HAVCR1: variants seen among roughly 807,000 people sequenced by gnomAD.
HAVCR1 encodes the protein hepatitis A virus cellular receptor 1.
A neutral mutation model predicts 32.0 loss-of-function variants in HAVCR1; 34 were observed. The observed-to-expected ratio is 1.06, with a 90% CI of 0.81 to 1.42. The LOEUF (loss-of-function observed/expected upper bound fraction) is 1.42. Ranked by LOEUF, HAVCR1 falls within the 40% of genes most tolerant of loss-of-function variation. The probability of loss-of-function intolerance (pLI) is 0.00; values close to 1 mark genes in which losing one functional copy is unlikely to be tolerated. For synonymous variants in HAVCR1, 178 were observed against 170.3 expected, an observed-to-expected ratio of 1.05 and a Z score of -0.35; for missense variants, 420 against 442.3, an observed-to-expected ratio of 0.95 and a Z score of 0.45.
chr5:157,041,049 C>A (rs1251075338), intron 6 of HAVCR1, among the ~76,000 whole-genome samples: 1 of 152,094 alleles, frequency 6.6e-6, no homozygotes, highest in Non-Finnish European at 1.5e-5. Flanking sequence ...AAGAAAAGAT[C>A]TTATTAGTAA....
chr5:157,057,406 A>G (rs1425985306), intron 2 of HAVCR1, among the ~76,000 whole-genome samples: 3 of 102,284 alleles, frequency 2.9e-5, no homozygotes, highest in African/African-American at 1.0e-4. Flanking sequence ...AAAGAAAGAA[A>G]GAAAGAAAGA....
At chr5:157,033,833 C>A (rs1030540156) in intron 7 of HAVCR1, among the ~76,000 whole-genome samples, 2 of 152,176 alleles carry the variant, frequency 1.3e-5, no homozygotes, top group African/African-American at 2.4e-5. Context: ...GAGGCAGAGG[C>A]AGGCGGTCAG....
At position 157,037,476 on chromosome 5, in the gene HAVCR1, T is replaced by C. The variant is rs900086433; in HGVS notation, c.838-115A>G. ...ACCTGTATTGGTGCTTGGGGACTTC[T>C]GGAACATAAGGGTAAGACCAAATGA... On this transcript the variant is annotated intron_variant, in intron 6 of 8. Transcript: ENST00000523175. 11 of 625,692 alleles carry C rather than the reference T, an allele frequency of 1.8e-5. No individual in the cohort carries two copies. In the African/African-American group the frequency reaches 2.0e-4, roughly 12 times the overall value. 38.8% of individuals were successfully genotyped at this position (625,692 alleles called of 1,614,324 possible).
chr5:157,044,586 G>GGAAAGAAAGAAAGAAAGAAAGA (rs1755190436), intron 5 of HAVCR1, among the ~76,000 whole-genome samples: 2 of 56,344 alleles, frequency 3.5e-5, no homozygotes, highest in Admixed American at 2.3e-4. Context: ...AAAGAAAGAA[G>GGAAAGAAAGAAAGAAAGAAAGA]GAAAGAAAGA....
At chr5:157,051,501 G>T (rs543142981) in intron 4 of HAVCR1, among the ~76,000 whole-genome samples, 1 of 152,198 alleles carries the variant, frequency 6.6e-6, no homozygotes, top group South Asian at 2.1e-4. Context: ...AGATCAAAAC[G>T]TGACTCGACC....
At chr5:157,049,928 C>T (rs182971886) in intron 4 of HAVCR1, among the ~76,000 whole-genome samples, 80 of 152,330 alleles carry the variant, frequency 5.3e-4, no homozygotes, top group African/African-American at 1.8e-3. Flanking sequence ...TTCCTGAAAT[C>T]CCTCCTTTAT....
intron 2 of HAVCR1, 39 bp from the exon 3 acceptor site, chr5:157,055,572 C>G: frequency 1.6e-6 from 2 of 1,279,180 alleles, no homozygotes; most frequent in Non-Finnish European, 2.2e-6. Flanking sequence ...TGAGCCCTCA[C>G]TATTTCATCT....
intron 3 of HAVCR1, among the ~76,000 whole-genome samples, chr5:157,054,641 G>A (rs560110155): frequency 3.0e-4 from 46 of 152,238 alleles, no homozygotes; most frequent in Admixed American, 5.9e-4. Flanking sequence ...AAGTATATTT[G>A]GACCTCCATA....
rs773883034 is a variant in HAVCR1 at position 157,037,381 on chromosome 5, T to A, written c.838-20A>T. On this transcript the variant is annotated intron_variant, in intron 6 of 8. Coordinates refer to ENST00000523175, the MANE Select transcript of HAVCR1 (RefSeq NM_001173393.3). ...CAGTTGCTGAGGAAACAACAACAGA[T>A]CAAAAAAGCATCTTGTTAGAAAGTT... is the stretch of plus-strand genomic sequence containing the variant. The A allele has an allele frequency of 9.7e-7, 1 of 1,035,334 alleles. No homozygotes were observed. The highest frequency in any genetic ancestry group is 1.9e-5 in the Admixed American group (1 of 51,864). 64.1% of individuals were successfully genotyped at this position (1,035,334 alleles called of 1,614,324 possible).
rs1165736724 is a variant in HAVCR1 at position 157,029,661 on chromosome 5, C to T, written c.*72G>A. Reference sequence around the variant, plus strand: ...AAAAATTGTCTTGGGGTCTAAAAGACGTCTGATGTGCTGATGTCTGTTCAG... The same window carrying T: ...AAAAATTGTCTTGGGGTCTAAAAGATGTCTGATGTGCTGATGTCTGTTCAG... On this transcript the variant is annotated 3_prime_UTR_variant, in exon 9 of 9. Transcript: ENST00000523175. 18 of 1,602,310 alleles carry T rather than the reference C, an allele frequency of 1.1e-5. No individual in the cohort carries two copies. The highest frequency in any genetic ancestry group is 4.5e-5 in the East Asian group (2 of 44,690).
At chr5:157,051,070 T>C (rs1755708058) in intron 4 of HAVCR1, among the ~76,000 whole-genome samples, 1 of 152,220 alleles carries the variant, frequency 6.6e-6, no homozygotes, top group Non-Finnish European at 1.5e-5. Context: ...ATGGAAGATT[T>C]GAACCTATAC....
upstream of HAVCR1, among the ~76,000 whole-genome samples, chr5:157,060,682 C>G (rs994505523): frequency 4.6e-5 from 7 of 152,090 alleles, no homozygotes; most frequent in Non-Finnish European, 8.8e-5. Context: ...TGATGAGCCA[C>G]AGAGAGCCAA....
intron 7 of HAVCR1, among the ~76,000 whole-genome samples, chr5:157,035,325 CTCTTAATTT>C (rs1754462697): frequency 6.6e-6 from 1 of 152,152 alleles, no homozygotes; most frequent in Non-Finnish European, 1.5e-5. Flanking sequence ...GCCAAACATA[CTCTTAATTT>C]TCTGATTCTC....
intron 5 of HAVCR1, among the ~76,000 whole-genome samples, chr5:157,044,800 A>G (rs71591085): frequency 0.081 from 12,302 of 151,224 alleles, 1,342 homozygotes; most frequent in African/African-American, 0.25. Flanking sequence ...TAACAGTTTC[A>G]GGAAGAGGAT....
upstream of HAVCR1, among the ~76,000 whole-genome samples, chr5:157,060,686 G>A (rs1026014703): frequency 2.0e-5 from 3 of 152,144 alleles, no homozygotes; most frequent in African/African-American, 7.2e-5. Context: ...GAGCCACAGA[G>A]AGCCAAGACA....
chr5:157,035,654 A>G (rs1163156765), intron 7 of HAVCR1, among the ~76,000 whole-genome samples: 1 of 152,186 alleles, frequency 6.6e-6, no homozygotes. Flanking sequence ...AGGGTGGAGA[A>G]AATAAATCTT....
In HAVCR1 at chr5:157,052,506, CGTT is replaced by C. The variant is rs749581105; in HGVS notation, c.525_527del (p.Thr177del). On this transcript the variant is annotated inframe_deletion, in exon 4 of 9. Coordinates refer to ENST00000523175, the MANE Select transcript of HAVCR1 (RefSeq NM_001173393.3). ...AAACAGTCATTGTCGTCAGAACAGT[CGTT>C]GTCGTTGGAATGCTCATTGTTGTTG... 24 of 1,601,100 alleles carry C rather than the reference CGTT, an allele frequency of 1.5e-5. No individual in the cohort carries two copies. Among genetic ancestry groups the C allele is most frequent in the African/African-American group, 1.1e-4 (8 of 74,400 alleles).
chr5:157,068,816 G>T, the HAVCR1 span, among the ~76,000 whole-genome samples: 719 of 151,976 alleles, frequency 4.7e-3, 6 homozygotes, highest in African/African-American at 0.016. Context: ...TCACTATGTC[G>T]CCTAGGCTGG....
intron 8 of HAVCR1, among the ~76,000 whole-genome samples, chr5:157,030,839 C>T (rs894452522): frequency 2.0e-5 from 3 of 152,162 alleles, no homozygotes; most frequent in Non-Finnish European, 4.4e-5. Context: ...CACATGTCCA[C>T]ACATTTAAAG....
Sources: allele counts gnomAD v4.1 joint callset (sites outside exome capture counted in the v4.1 genomes callset), GRCh38; gene constraint gnomAD v4.1.1; transcripts MANE v1.5; gene names NCBI Gene and HGNC (gene_info 2026-07-23, HGNC 2026-07-21).